Variants in CEP250 observed in about 807,000 individuals in gnomAD.
CEP250 encodes centrosome-associated protein CEP250.
In CEP250, 242 loss-of-function variants were observed where a neutral mutation model predicts 315.7. The observed-to-expected ratio is 0.77, with a 90% confidence interval of 0.69 to 0.85. The LOEUF (loss-of-function observed/expected upper bound fraction) is 0.85, where lower values mean the gene tolerates loss of function less well. Ranked by LOEUF, CEP250 falls within the 40% of genes least tolerant of loss-of-function variation. The probability of loss-of-function intolerance (pLI) is 0.00; values close to 1 mark genes in which losing one functional copy is unlikely to be tolerated. For synonymous variants in CEP250, 1,088 were observed against 1,175.0 expected, an observed-to-expected ratio of 0.93 and a Z score of 1.51; for missense variants, 2,515 against 2,886.4, an observed-to-expected ratio of 0.87 and a Z score of 2.95.
In CEP250 at chr20:35,497,837, T is replaced by C; in HGVS notation, c.3425T>C (p.Leu1142Ser). 2 of 1,579,884 alleles carry C rather than the reference T, an allele frequency of 1.3e-6. No individual in the cohort carries two copies. Among genetic ancestry groups the C allele is most frequent in the Non-Finnish European group, 1.7e-6 (2 of 1,162,694 alleles). Residue 1142 changes from leucine to serine, a missense_variant, in exon 26 of 35, where the codon TTG becomes TCG. Physicochemically the swap from Leu to Ser is moderately radical, Grantham distance 145. Coordinates refer to ENST00000397527, the MANE Select transcript of CEP250 (RefSeq NM_007186.6). The stretch of plus-strand genomic sequence containing the variant: ...ACGGAGCAGCAGCTGCGAGCCTCCT[T>C]GTGGGCCCAGGAAGCCAAGGCAGCC... ...HITEQQLRAS[L>S]WAQEAKAAQL...
In CEP250 at chr20:35,458,966, C is replaced by CTTTT. The variant is rs778598883; in HGVS notation, c.-227+617_-227+620dup. Among the ~76,000 whole-genome samples, 344 of 59,222 alleles carry CTTTT rather than the reference C, an allele frequency of 5.8e-3. 90 individuals are homozygous for CTTTT. The highest frequency in any genetic ancestry group is 0.018 in the African/African-American group (245 of 13,280). 38.9% of individuals were successfully genotyped at this position (59,222 alleles called of 152,430 possible). On this transcript the variant is annotated intron_variant, in intron 2 of 34. Transcript: ENST00000397527. ...ATGGTATATTTGCTATAATGCAAAT[C>CTTTT]TTTTTTTTTTTTTTTTTTTTTTTTT...
Position 35,466,028 on chromosome 20 carries a change from C to G in CEP250, c.327-11C>G. The G allele has an allele frequency of 6.2e-7, 1 of 1,614,102 alleles. No individual in the cohort carries two copies. ...TTATTTTGCACCCACTTTTACCCCT[C>G]CCCAGTGCAGGTGTGAGAGTCTAGC... On this transcript the variant is annotated splice_polypyrimidine_tract_variant and intron_variant, in intron 6 of 34. Coordinates refer to ENST00000397527, the MANE Select transcript of CEP250 (RefSeq NM_007186.6).
intron 12 of CEP250, 121 bp downstream of exon 12, chr20:35,472,952 T>A: frequency 1.1e-6 from 1 of 940,776 alleles, no homozygotes; most frequent in Non-Finnish European, 1.6e-6. Context: ...TGAGGTGTTC[T>A]GTCAATATCC....
In CEP250 at chr20:35,463,675, ATAT is replaced by A. The variant is rs770498893; in HGVS notation, c.243+45_243+47del. The A allele has an allele frequency of 9.8e-6, 15 of 1,525,974 alleles. No homozygotes were observed. In the African/African-American group the frequency reaches 2.1e-4, roughly 21 times the overall value. The allele number at this position is 1,525,974 out of a possible 1,614,324, so 94.5% of individuals were successfully genotyped here. ...TCTGCACCCCCTGGGTCCTCAGTGA[ATAT>A]ACTTGTTAGGTTTCATTTGTTGACT... is the stretch of plus-strand genomic sequence containing the variant. On this transcript the variant is annotated intron_variant, in intron 5 of 34. Transcript: ENST00000397527.
chr20:35,510,430 G>C (rs1005903025), intron 34 of CEP250, among the ~76,000 whole-genome samples: 9 of 152,036 alleles, frequency 5.9e-5, no homozygotes, highest in African/African-American at 2.2e-4. Context: ...ACCAGCACAA[G>C]CTCCAGGCCA....
At chr20:35,499,361 A>G (rs911469061) in intron 27 of CEP250, among the ~76,000 whole-genome samples, 1 of 152,216 alleles carries the variant, frequency 6.6e-6, no homozygotes, top group Non-Finnish European at 1.5e-5. Context: ...CTTGGTACCC[A>G]GGCTTCCAAG....
intron 11 of CEP250, 46 bp from the exon 12 acceptor site, chr20:35,472,627 T>A (rs956090722): frequency 6.2e-7 from 1 of 1,604,052 alleles, no homozygotes; most frequent in Non-Finnish European, 8.5e-7. Context: ...CTATAGACTC[T>A]AGGCTTTGGT....
In CEP250 at chr20:35,511,440, C is replaced by G; in HGVS notation, c.7143C>G (p.Ser2381Arg). The G allele has an allele frequency of 6.2e-7, 1 of 1,614,112 alleles. No individual in the cohort carries two copies. Among genetic ancestry groups the G allele is most frequent in the Non-Finnish European group, 8.5e-7 (1 of 1,180,028 alleles). Reference sequence around the variant, plus strand: ...ACATCACCCGCTCAGCACAGACCAGCCGTGAGCTAGCAGGCCTGCACCACA... The same window carrying G: ...ACATCACCCGCTCAGCACAGACCAGGCGTGAGCTAGCAGGCCTGCACCACA... ...QDYITRSAQTSRELAGLHHSL... is the reference protein window; with the variant it reads ...QDYITRSAQTRRELAGLHHSL... The change falls in exon 35 of 35, where the codon AGC becomes AGG. Residue 2381 changes from serine to arginine, a missense_variant. By Grantham distance (110) the Ser-to-Arg change is moderately radical (BLOSUM62 -1). Transcript: ENST00000397527.
At chr20:35,474,895 T>C in intron 14 of CEP250, 1 of 470,050 alleles carries the variant, frequency 2.1e-6, no homozygotes, top group Non-Finnish European at 4.4e-6. Context: ...TCTTCATCTT[T>C]GCTGTATTTC....
At chr20:35,507,338 C>T (rs1250309463) in intron 30 of CEP250, among the ~76,000 whole-genome samples, 1 of 152,200 alleles carries the variant, frequency 6.6e-6, no homozygotes, top group African/African-American at 2.4e-5. Context: ...TTGGGGAGAG[C>T]TTGTGCTTTG....
intron 10 of CEP250, 114 bp from the exon 11 acceptor site, chr20:35,471,936 A>G: frequency 4.4e-6 from 3 of 677,974 alleles, no homozygotes; most frequent in Non-Finnish European, 8.1e-6. Context: ...ATGGTCAGGG[A>G]AAAAGTGGGG....
chr20:35,463,620 G>T lies in CEP250; in HGVS notation c.232G>T (p.Glu78Ter). ...SWCQELEKRL[E>*]ATGGPIPQRW... The stretch of plus-strand genomic sequence containing the variant: ...GTGCCAAGAGCTGGAGAAGCGGCTA[G>T]AAGCCACTGGAGTGAGTGAGGCTGA... Residue 78 changes from glutamate to a stop codon, truncating the protein, a stop_gained, in exon 5 of 35, where the codon GAA (glutamate) becomes TAA (stop). Coordinates refer to ENST00000397527, the MANE Select transcript of CEP250 (RefSeq NM_007186.6). LOFTEE classifies it high-confidence loss of function. The T allele has an allele frequency of 6.2e-7, 1 of 1,609,236 alleles. No homozygotes were observed.
At position 35,507,784 on chromosome 20, in the gene CEP250, A is replaced by G. The variant is rs1442005100; in HGVS notation, c.6683A>G (p.His2228Arg). The change falls in exon 31 of 35, where the codon CAC becomes CGC. Residue 2228 changes from histidine (H) to arginine (R), a missense_variant. By Grantham distance (29) the His-to-Arg change is conservative. Coordinates refer to ENST00000397527, the MANE Select transcript of CEP250 (RefSeq NM_007186.6). ...TRRALEKERLHSPGATSTAEL... is the reference protein window; with the variant it reads ...TRRALEKERLRSPGATSTAEL... Reference sequence around the variant, plus strand: ...CGGGCTCTGGAGAAGGAGCGGCTACACAGCCCAGGTGCAACCAGCACAGCA... The same window carrying G: ...CGGGCTCTGGAGAAGGAGCGGCTACGCAGCCCAGGTGCAACCAGCACAGCA... 1.3e-6 allele frequency: 2 copies of G among 1,565,352 alleles called. No homozygotes were observed. Among genetic ancestry groups the G allele is most frequent in the Non-Finnish European group, 1.7e-6 (2 of 1,154,768 alleles).
Position 35,478,028 on chromosome 20 carries a change from C to T in CEP250, c.2021C>T (p.Ala674Val), listed in dbSNP as rs1365724118. Residue 674 changes from alanine to valine, a missense_variant, in exon 17 of 35, where the codon GCT (alanine) becomes GTT (valine). Physicochemically the swap from Ala to Val is moderately conservative, Grantham distance 64. Transcript: ENST00000397527. Reference sequence around the variant, plus strand: ...GCTCAGCTGCAGAAAGCTGAGGAGGCTGGGGCTGAGCTGCAGGCAGATCTC... The same window carrying T: ...GCTCAGCTGCAGAAAGCTGAGGAGGTTGGGGCTGAGCTGCAGGCAGATCTC... ...LEAQLQKAEE[A>V]GAELQADLRD... 5 of 1,613,994 alleles carry T rather than the reference C, an allele frequency of 3.1e-6. No individual in the cohort carries two copies. Among genetic ancestry groups the T allele is most frequent in the Non-Finnish European group, 4.2e-6 (5 of 1,180,022 alleles).
rs535076676 is a variant in CEP250 at position 35,472,772 on chromosome 20, G to A, written c.1150G>A (p.Ala384Thr). The A allele has an allele frequency of 3.1e-6, 5 of 1,614,152 alleles. No individual in the cohort carries two copies. The East Asian group carries it at 8.9e-5, about 29-fold the overall frequency. ...SIFSQFDYQD[A>T]DKALTLVRSV... is the part of the protein sequence containing the mutation. ...CTTCTCCCAGTTTGATTACCAGGAT[G>A]CAGACAAGGCTCTTACTCTGGTGCG... Residue 384 changes from alanine to threonine, a missense_variant, in exon 12 of 35, where the codon GCA becomes ACA. By Grantham distance (58) the Ala-to-Thr change is moderately conservative. Transcript: ENST00000397527.
intron 33 of CEP250, 147 bp from the exon 34 acceptor site, chr20:35,509,851 C>G (rs917444083): frequency 9.8e-6 from 7 of 717,092 alleles, no homozygotes; most frequent in Non-Finnish European, 1.7e-5. Context: ...CCTGCTGCCC[C>G]ATAGACGTCC....
chr20:35,468,098 G>A (rs1297459986), intron 9 of CEP250, among the ~76,000 whole-genome samples: 2 of 151,820 alleles, frequency 1.3e-5, no homozygotes, highest in East Asian at 1.9e-4. Context: ...ACAGGCACAT[G>A]CCACCATACC....
intron 12 of CEP250, 98 bp from the exon 13 acceptor site, chr20:35,473,276 C>T (rs985370671): frequency 2.9e-6 from 3 of 1,039,162 alleles, no homozygotes; most frequent in Non-Finnish European, 4.2e-6. Context: ...TTTTGTTGCA[C>T]CAGCCCCCGA....
intron 20 of CEP250, among the ~76,000 whole-genome samples, chr20:35,489,087 C>T (rs555221566): frequency 6.6e-6 from 1 of 151,804 alleles, no homozygotes; most frequent in African/African-American, 2.4e-5. Flanking sequence ...ACTTGGGAGG[C>T]TGAGGCGGGA....
Sources: allele counts gnomAD v4.1 joint callset (sites outside exome capture counted in the v4.1 genomes callset), GRCh38; gene constraint gnomAD v4.1.1; transcripts MANE v1.5; gene names NCBI Gene and HGNC (gene_info 2026-07-23, HGNC 2026-07-21).